TMEM233: variants seen among roughly 807,000 people sequenced by gnomAD.
TMEM233 encodes dispanin subfamily B member 2.
TMEM233 carries 6 observed loss-of-function variants against 11.2 expected under a neutral mutation model. The ratio of observed to expected loss-of-function variants is 0.54; its 90% CI spans 0.29 to 1.06. The LOEUF is 1.06. TMEM233 is among the 50% of genes least tolerant of loss of function. The pLI is 0.08. For synonymous variants in TMEM233, 59 were observed against 55.8 expected, an observed-to-expected ratio of 1.06 and a Z score of -0.26; for missense variants, 127 against 144.7, an observed-to-expected ratio of 0.88 and a Z score of 0.63.
intron 2 of TMEM233, chr12:119,631,785 C>T (rs1012571864): frequency 1.3e-5 from 5 of 376,284 alleles, no homozygotes; most frequent in East Asian, 1.6e-4. Context: ...CCTCAGTTTC[C>T]TCACCTGTAA....
chr12:119,636,892 G>C (rs1247260425), intron 2 of TMEM233, among the ~76,000 whole-genome samples: 1 of 152,168 alleles, frequency 6.6e-6, no homozygotes, highest in Non-Finnish European at 1.5e-5. Context: ...GCGCCCTACT[G>C]GAGACTCACA....
In TMEM233 at chr12:119,642,338, T is replaced by C. The variant is rs544515049; in HGVS notation, c.*1633T>C. 6.6e-6 allele frequency: 1 copy of C among 151,832 alleles called. No homozygotes were observed. The highest frequency in any genetic ancestry group is 6.6e-5 in the Admixed American group (1 of 15,236). The allele number at this position is 151,832 out of a possible 1,614,324, so 9.4% of individuals were successfully genotyped here. ...GGTGCATGCCTGTAATCCCAGCTAA[T>C]AGAGAGGCTGAGGCAGGAGAATCAC... On this transcript the variant is annotated 3_prime_UTR_variant, in exon 3 of 3. Transcript: ENST00000426426.
At chr12:119,608,893 G>T (rs972103845) in intron 1 of TMEM233, among the ~76,000 whole-genome samples, 40 of 152,076 alleles carry the variant, frequency 2.6e-4, no homozygotes, top group Admixed American at 9.2e-4. Flanking sequence ...ATAAATGCCC[G>T]CCTTTCTTGG....
chr12:119,609,172 C>T (rs1340209891), intron 1 of TMEM233, among the ~76,000 whole-genome samples: 1 of 152,064 alleles, frequency 6.6e-6, no homozygotes, highest in African/African-American at 2.4e-5. Context: ...AGATAAGGAA[C>T]TTTTTGGGAA....
At chr12:119,596,882 A>G (rs953644987) in intron 1 of TMEM233, among the ~76,000 whole-genome samples, 1 of 152,238 alleles carries the variant, frequency 6.6e-6, no homozygotes, top group African/African-American at 2.4e-5. Flanking sequence ...TGTTGTAAGG[A>G]TGAAACAAAA....
At chr12:119,598,980 A>G (rs1341682386) in intron 1 of TMEM233, among the ~76,000 whole-genome samples, 1 of 152,230 alleles carries the variant, frequency 6.6e-6, no homozygotes, top group Non-Finnish European at 1.5e-5. Flanking sequence ...ACAAGCCATT[A>G]TCTTTCCCAG....
At chr12:119,647,926 C>T (rs1955176206), downstream of TMEM233, among the ~76,000 whole-genome samples, 2 of 152,114 alleles carry the variant, frequency 1.3e-5, no homozygotes, top group Admixed American at 1.3e-4. Context: ...CATGATCAGA[C>T]CCTTGGCTGC....
chr12:119,638,253 A>C (rs1459799300), intron 2 of TMEM233, among the ~76,000 whole-genome samples: 4 of 152,158 alleles, frequency 2.6e-5, no homozygotes, highest in Admixed American at 2.0e-4. Context: ...AGAGCTCAGG[A>C]GCTGGAGGCC....
chr12:119,601,945 C>T (rs1437914182), intron 1 of TMEM233, among the ~76,000 whole-genome samples: 1 of 152,136 alleles, frequency 6.6e-6, no homozygotes, highest in Non-Finnish European at 1.5e-5. Context: ...CTCCTGAAAA[C>T]AAGGCAACCA....
the TMEM233 span, among the ~76,000 whole-genome samples, chr12:119,649,328 G>A: frequency 2.0e-5 from 3 of 152,016 alleles, no homozygotes; most frequent in Non-Finnish European, 2.9e-5. Flanking sequence ...AAAAGAAAAG[G>A]AGAAGAGAAA....
the TMEM233 span, among the ~76,000 whole-genome samples, chr12:119,653,251 G>T: frequency 2.0e-5 from 3 of 151,780 alleles, no homozygotes; most frequent in Non-Finnish European, 1.5e-5. Context: ...AATTAACCAG[G>T]CAAGGTGGTG....
chr12:119,637,561 A>T (rs1954990542), intron 2 of TMEM233, among the ~76,000 whole-genome samples: 1 of 152,258 alleles, frequency 6.6e-6, no homozygotes. Flanking sequence ...GCTTAAAAGC[A>T]AATCCCTCTT....
At chr12:119,632,287 G>T (rs1299308666) in intron 2 of TMEM233, among the ~76,000 whole-genome samples, 3 of 152,192 alleles carry the variant, frequency 2.0e-5, no homozygotes, top group Non-Finnish European at 2.9e-5. Context: ...GAGAGGTAAA[G>T]TGACTTGCCC....
intron 2 of TMEM233, among the ~76,000 whole-genome samples, chr12:119,637,935 C>G (rs1955000212): frequency 6.6e-6 from 1 of 152,096 alleles, no homozygotes; most frequent in African/African-American, 2.4e-5. Context: ...TGGGTAATAT[C>G]AAGGTTGACC....
intron 2 of TMEM233, among the ~76,000 whole-genome samples, chr12:119,638,600 T>C (rs1955015072): frequency 6.6e-6 from 1 of 152,136 alleles, no homozygotes; most frequent in Non-Finnish European, 1.5e-5. Flanking sequence ...GCAGCCAGGG[T>C]TGGGAACCAC....
At chr12:119,624,325 G>T (rs756536645) in intron 1 of TMEM233, among the ~76,000 whole-genome samples, 5 of 151,368 alleles carry the variant, frequency 3.3e-5, no homozygotes, top group African/African-American at 9.7e-5. Flanking sequence ...GTGCCACTCC[G>T]CTCCAACCTG....
At chr12:119,638,864 C>A (rs937078815) in intron 2 of TMEM233, among the ~76,000 whole-genome samples, 1 of 151,906 alleles carries the variant, frequency 6.6e-6, no homozygotes, top group Non-Finnish European at 1.5e-5. Context: ...TACTGAGATC[C>A]CGTCTCTATT....
intron 1 of TMEM233, among the ~76,000 whole-genome samples, chr12:119,606,045 G>A (rs1338681507): frequency 1.3e-5 from 2 of 152,210 alleles, no homozygotes; most frequent in East Asian, 3.9e-4. Context: ...ACTTTTAGGT[G>A]TAGAAACAGG....
the TMEM233 span, among the ~76,000 whole-genome samples, chr12:119,649,358 T>G: frequency 5.3e-5 from 8 of 151,916 alleles, no homozygotes; most frequent in Non-Finnish European, 1.0e-4. Flanking sequence ...AAAGAAAAGA[T>G]AGAGACCCAA....
Sources: allele counts gnomAD v4.1 joint callset (sites outside exome capture counted in the v4.1 genomes callset), GRCh38; gene constraint gnomAD v4.1.1; transcripts MANE v1.5; gene names NCBI Gene and HGNC (gene_info 2026-07-23, HGNC 2026-07-21).